VWA8: variants seen among roughly 807,000 people sequenced by gnomAD.
VWA8 encodes von Willebrand factor A domain-containing protein 8.
In VWA8, 221 loss-of-function variants were observed where a neutral mutation model predicts 241.5. The ratio of observed to expected loss-of-function variants is 0.91; its 90% confidence interval spans 0.82 to 1.02. The LOEUF (loss-of-function observed/expected upper bound fraction) is 1.02, where lower values mean the gene tolerates loss of function less well. Among genes scored for constraint, VWA8 ranks in the 50% least tolerant of loss-of-function variants. The pLI is 0.00. For missense variants in VWA8, 2,322 were observed against 2,328.7 expected, an observed-to-expected ratio of 1.00 and a Z score of 0.06; for synonymous variants, 852 against 827.1, an observed-to-expected ratio of 1.03 and a Z score of -0.52.
intron 17 of VWA8, among the ~76,000 whole-genome samples, chr13:41,805,606 G>A (rs1870153466): frequency 6.6e-6 from 1 of 152,052 alleles, no homozygotes; most frequent in South Asian, 2.1e-4. Context: ...CTGAGGTTGG[G>A]AGTTTGAAAC....
rs115658428 is a variant in VWA8, at chr13:41,732,877, T to C, written c.2427-722A>G. On this transcript the variant is annotated intron_variant, in intron 21 of 44. Coordinates refer to ENST00000379310, the MANE Select transcript of VWA8 (RefSeq NM_015058.2). ...AAGTGTGGATATTCTTGCCAAAATG[T>C]GTGTAAGAAAGTTGCAGGTGATATG... is the stretch of plus-strand genomic sequence containing the variant. Among the ~76,000 whole-genome samples, 812 of 152,324 alleles carry C rather than the reference T, an allele frequency of 5.3e-3. 5 individuals are homozygous for C. The highest frequency in any genetic ancestry group is 0.019 in the African/African-American group (776 of 41,568).
intron 4 of VWA8, among the ~76,000 whole-genome samples, chr13:41,899,031 G>A (rs1875295609): frequency 6.6e-6 from 1 of 152,268 alleles, no homozygotes. Flanking sequence ...GGCTCCCACA[G>A]TGCAGCGGTG....
At chr13:41,903,628 G>A (rs940399116) in intron 4 of VWA8, among the ~76,000 whole-genome samples, 2 of 152,154 alleles carry the variant, frequency 1.3e-5, no homozygotes, top group African/African-American at 4.8e-5. Context: ...ACACCAAGCA[G>A]AGGAAACACC....
At chr13:41,684,264 A>G (rs2045119974) in intron 35 of VWA8, among the ~76,000 whole-genome samples, 1 of 152,174 alleles carries the variant, frequency 6.6e-6, no homozygotes, top group African/African-American at 2.4e-5. Context: ...GATTATTATA[A>G]TACATTTAGC....
In VWA8 at chr13:41,685,101, C is replaced by T. The variant is rs371884722; in HGVS notation, c.4273G>A (p.Val1425Ile). The T allele has an allele frequency of 1.2e-6, 2 of 1,613,586 alleles. No individual in the cohort carries two copies. Among genetic ancestry groups the T allele is most frequent in the Non-Finnish European group, 1.7e-6 (2 of 1,179,720 alleles). ...NCVTLLDTNQ[V>I]VRILPPGEVP... ...TCTCCTGGGGGTAAAATCCTCACTA[C>T]CTGATTCGTATCTAAAAGAGTCACA... The change falls in exon 35 of 45, where the codon GTA (valine) becomes ATA (isoleucine). Residue 1425 changes from valine to isoleucine, a missense_variant. Val to Ile is a conservative substitution (Grantham distance 29). Transcript: ENST00000379310.
chr13:41,888,805 T>C (rs907808913), intron 5 of VWA8, among the ~76,000 whole-genome samples: 1 of 152,346 alleles, frequency 6.6e-6, no homozygotes, highest in Non-Finnish European at 1.5e-5. Flanking sequence ...ACTGATTGCA[T>C]GAACTAATTT....
chr13:41,719,568 G>A (rs2045368950), intron 26 of VWA8, 23 bp downstream of exon 26: 2 of 1,611,328 alleles, frequency 1.2e-6, no homozygotes, highest in Admixed American at 1.7e-5. Context: ...TTAAGAATCA[G>A]AAGAGTACTG....
At position 41,691,894 on chromosome 13, in the gene VWA8, C is replaced by G; in HGVS notation, c.3720G>C (p.Leu1240=). The change falls in exon 31 of 45, where the codon CTG becomes CTC. Residue 1240 remains leucine (L), a synonymous_variant. Transcript: ENST00000379310. The stretch of plus-strand genomic sequence containing the variant: ...CTCACCCTTTTTCTTTGTAGAACAC[C>G]AGCCAGTTTTTGTGTGAAAATTCTT... ...MCKEFSHKNW[L]VFYKEKGNSL... The G allele has an allele frequency of 6.2e-7, 1 of 1,610,522 alleles. No individual in the cohort carries two copies. The highest frequency in any genetic ancestry group is 8.5e-7 in the Non-Finnish European group (1 of 1,177,458).
At chr13:41,916,075 T>C (rs536953171) in intron 2 of VWA8, among the ~76,000 whole-genome samples, 4 of 152,346 alleles carry the variant, frequency 2.6e-5, no homozygotes, top group African/African-American at 9.6e-5. Flanking sequence ...AATCAAGTTA[T>C]TTAACCTCTC....
intron 12 of VWA8, among the ~76,000 whole-genome samples, chr13:41,841,771 CGA>C (rs1321922668): frequency 1.0e-5 from 1 of 95,410 alleles, no homozygotes; most frequent in Non-Finnish European, 1.9e-5. Flanking sequence ...GGCGACAGAG[CGA>C]GACTCTGTCT....
At chr13:41,709,768 TC>T (rs1566423964) in intron 26 of VWA8, among the ~76,000 whole-genome samples, 61 of 135,774 alleles carry the variant, frequency 4.5e-4, no homozygotes, top group African/African-American at 1.6e-3. Context: ...TCTGTCTCTC[TC>T]TCTTTTTTTT....
intron 37 of VWA8, among the ~76,000 whole-genome samples, chr13:41,657,354 G>A (rs886335566): frequency 6.6e-6 from 1 of 151,960 alleles, no homozygotes; most frequent in African/African-American, 2.4e-5. Flanking sequence ...TTAAGTTACT[G>A]TGAGCTGAAT....
rs543719144 is a variant in VWA8, at chr13:41,773,467, T to C, written c.2349+4518A>G. On this transcript the variant is annotated intron_variant, in intron 20 of 44. Coordinates refer to ENST00000379310, the MANE Select transcript of VWA8 (RefSeq NM_015058.2). ...TTCCCAAATATATAACTCTCCTAGA[T>C]GATCAGCACTCAGAACAGCACAGAG... is the stretch of plus-strand genomic sequence containing the variant. Among the ~76,000 whole-genome samples, 57 of 152,304 alleles carry C rather than the reference T, an allele frequency of 3.7e-4. 1 individual carries two copies. In the South Asian group the frequency reaches 0.012, roughly 32 times the overall value.
intron 3 of VWA8, among the ~76,000 whole-genome samples, chr13:41,909,359 C>T (rs1875886723): frequency 6.6e-6 from 1 of 152,112 alleles, no homozygotes; most frequent in Non-Finnish European, 1.5e-5. Context: ...CGCACCCAGT[C>T]TAAAAGGAGG....
intron 12 of VWA8, among the ~76,000 whole-genome samples, chr13:41,848,925 G>A (rs1872405599): frequency 6.6e-6 from 1 of 152,150 alleles, no homozygotes; most frequent in Non-Finnish European, 1.5e-5. Context: ...TCTTTAAATT[G>A]TTAACCTTTT....
At chr13:41,593,697 C>T (rs926952296) in intron 40 of VWA8, among the ~76,000 whole-genome samples, 6 of 152,188 alleles carry the variant, frequency 3.9e-5, no homozygotes, top group African/African-American at 1.4e-4. Context: ...TCAGTCTTCA[C>T]ATTGTACAAC....
At chr13:41,576,278 T>C (rs1298860639) in intron 42 of VWA8, among the ~76,000 whole-genome samples, 1 of 152,238 alleles carries the variant, frequency 6.6e-6, no homozygotes, top group Non-Finnish European at 1.5e-5. Context: ...GTGCCTAGCA[T>C]GTTTATTGCA....
At chr13:41,778,647 G>A (rs1868729915) in intron 19 of VWA8, among the ~76,000 whole-genome samples, 1 of 58,546 alleles carries the variant, frequency 1.7e-5, no homozygotes, top group South Asian at 4.2e-4. Context: ...TAGGTCATGC[G>A]GGTTCTTTAG....
chr13:41,723,264 C>T (rs955810503), intron 24 of VWA8, among the ~76,000 whole-genome samples: 1 of 152,040 alleles, frequency 6.6e-6, no homozygotes, highest in Non-Finnish European at 1.5e-5. Context: ...ATCATTTGGC[C>T]CTCTTTCTGT....
Sources: gnomAD v4.1 joint callset for allele counts (sites outside exome capture counted in the v4.1 genomes callset) on GRCh38, gnomAD v4.1.1 for gene constraint, MANE v1.5 for transcripts, NCBI Gene and HGNC (gene_info 2026-07-23, HGNC 2026-07-21) for gene names.